MED27: variants seen among roughly 807,000 people sequenced by gnomAD.
MED27 encodes mediator of RNA polymerase II transcription subunit 27.
Under a neutral mutation model 38.2 loss-of-function variants are expected in MED27, and 30 were observed. That is an observed-to-expected ratio of 0.79 (90% CI 0.59 to 1.07). The LOEUF (loss-of-function observed/expected upper bound fraction) is 1.07. Among genes scored for constraint, MED27 ranks in the 50% least tolerant of loss-of-function variants. The probability of loss-of-function intolerance (pLI) is 0.00; values close to 1 mark genes in which losing one functional copy is unlikely to be tolerated. For synonymous variants in MED27, 122 were observed against 153.5 expected (o/e 0.79, Z 1.52); for missense variants, 289 against 397.5 (o/e 0.73, Z 2.32).
intron 3 of MED27, among the ~76,000 whole-genome samples, chr9:131,963,330 A>G (rs1028557090): frequency 6.6e-6 from 1 of 152,194 alleles, no homozygotes; most frequent in Admixed American, 6.5e-5. Flanking sequence ...CAAAATGGCC[A>G]GAAATTAAGT....
chr9:132,055,048 C>T (rs893053905), intron 2 of MED27, among the ~76,000 whole-genome samples: 6 of 152,152 alleles, frequency 3.9e-5, no homozygotes, highest in African/African-American at 1.2e-4. Flanking sequence ...CTGCTGTGTA[C>T]CCTGTGGATC....
chr9:131,868,551 C>T, intron 6 of MED27: 1 of 979,838 alleles, frequency 1.0e-6, no homozygotes. Flanking sequence ...GCTGGGATTA[C>T]AGGCGTGCGC....
chr9:132,023,308 C>T (rs1832755517), intron 2 of MED27, among the ~76,000 whole-genome samples: 1 of 152,184 alleles, frequency 6.6e-6, no homozygotes, highest in Non-Finnish European at 1.5e-5. Flanking sequence ...TTCTAAGCAT[C>T]AGTCACTCAT....
At chr9:132,030,712 C>A (rs149803767) in intron 2 of MED27, among the ~76,000 whole-genome samples, 3 of 152,276 alleles carry the variant, frequency 2.0e-5, no homozygotes, top group East Asian at 3.9e-4. Flanking sequence ...TGCTATAGAC[C>A]TATGTGTAAA....
chr9:131,860,577 G>C lies in MED27; in HGVS notation c.897C>G (p.Phe299Leu). The change falls in exon 8 of 8, where the codon TTC becomes TTG. Residue 299 changes from phenylalanine to leucine, a missense_variant. Coordinates refer to ENST00000292035, the MANE Select transcript of MED27 (RefSeq NM_004269.4). The surrounding 1 kb of genome is among the most constrained non-coding windows in gnomAD (Gnocchi z 5.8). ...QDGLPPTWRD[F>L]RTLEAFHDTC... ...TGTCATGGAAGGCTTCGAGGGTTCG[G>C]AAATCCCTCCATGTCGGGGGAAGGC... is the stretch of plus-strand genomic sequence containing the variant. 5.0e-6 allele frequency: 8 copies of C among 1,590,782 alleles called. No individual in the cohort carries two copies. Among genetic ancestry groups the C allele is most frequent in the Non-Finnish European group, 6.8e-6 (8 of 1,168,512 alleles).
At chr9:131,972,955 T>A (rs1049040615) in intron 3 of MED27, among the ~76,000 whole-genome samples, 20 of 152,168 alleles carry the variant, frequency 1.3e-4, no homozygotes, top group African/African-American at 4.1e-4. Flanking sequence ...AAACTGAGTA[T>A]GTACCTCTCT....
intron 4 of MED27, among the ~76,000 whole-genome samples, chr9:131,897,774 T>A (rs1448455425): frequency 6.6e-6 from 1 of 152,246 alleles, no homozygotes; most frequent in Non-Finnish European, 1.5e-5. Flanking sequence ...AAGAAGTTTT[T>A]AAAAATCAAT....
At chr9:131,910,733 A>G (rs1290456596) in intron 4 of MED27, among the ~76,000 whole-genome samples, 1 of 152,202 alleles carries the variant, frequency 6.6e-6, no homozygotes, top group Admixed American at 6.5e-5. Context: ...GTTCACCTCC[A>G]CAGATTACAC....
At position 132,079,860 on chromosome 9, in the gene MED27, G is replaced by C. The variant is rs778502278; in HGVS notation, c.-16C>G. 1.9e-6 allele frequency: 3 copies of C among 1,566,368 alleles called. No homozygotes were observed. Among genetic ancestry groups the C allele is most frequent in the East Asian group, 4.7e-5 (2 of 42,226 alleles). ...CGTCCGCCATGTTGCCGCCGCCACA[G>C]CAGCTCTCCAAAGCCGGCTTCGCAA... is the stretch of plus-strand genomic sequence containing the variant. On this transcript the variant is annotated 5_prime_UTR_variant, in exon 1 of 8. Transcript: ENST00000292035.
At chr9:132,066,659 A>G (rs1055704144) in intron 2 of MED27, among the ~76,000 whole-genome samples, 5 of 152,104 alleles carry the variant, frequency 3.3e-5, no homozygotes, top group Admixed American at 1.3e-4. Context: ...GCCTCCCAAA[A>G]CAAGTAAGTG....
At chr9:131,939,264 C>G in intron 4 of MED27, 117 bp downstream of exon 4, 1 of 544,172 alleles carries the variant, frequency 1.8e-6, no homozygotes, top group South Asian at 3.2e-5. Flanking sequence ...ATGTTATTCA[C>G]TATCAAATTG....
chr9:131,869,540 G>A (rs1354528468), intron 6 of MED27, among the ~76,000 whole-genome samples: 3 of 152,246 alleles, frequency 2.0e-5, no homozygotes, highest in Admixed American at 6.5e-5. Flanking sequence ...GGGCACTAAT[G>A]CTCCCAAGGA....
chr9:131,878,210 T>C (rs943392134), intron 6 of MED27, among the ~76,000 whole-genome samples: 26 of 151,050 alleles, frequency 1.7e-4, no homozygotes, highest in African/African-American at 5.9e-4. Flanking sequence ...GAAGTGGAGG[T>C]TGCAGTGAGC....
intron 2 of MED27, among the ~76,000 whole-genome samples, chr9:132,058,987 C>G (rs1163763010): frequency 6.6e-6 from 1 of 152,164 alleles, no homozygotes; most frequent in Non-Finnish European, 1.5e-5. Flanking sequence ...GAGTGTCACC[C>G]TTCCCCACCG....
chr9:131,865,390 G>C (rs1279995497), intron 6 of MED27, among the ~76,000 whole-genome samples: 5 of 152,162 alleles, frequency 3.3e-5, no homozygotes, highest in African/African-American at 1.2e-4. Flanking sequence ...GGGCTCGAAC[G>C]GTCCCCGAAC....
intron 4 of MED27, among the ~76,000 whole-genome samples, chr9:131,898,881 G>C (rs551755008): frequency 6.6e-6 from 1 of 152,176 alleles, no homozygotes; most frequent in African/African-American, 2.4e-5. Context: ...CACTGCGCCC[G>C]GCCTGGATTT....
Position 131,889,445 on chromosome 9 carries a change from C to A in MED27, c.681+4440G>T, listed in dbSNP as rs1051184613. 6.6e-6 allele frequency among the ~76,000 whole-genome samples: 1 copy of A among 152,080 alleles called. No homozygotes were observed. Among genetic ancestry groups the A allele is most frequent in the Non-Finnish European group, 1.5e-5 (1 of 68,008 alleles). On this transcript the variant is annotated intron_variant, in intron 5 of 7. Transcript: ENST00000292035. The surrounding 1 kb of genome is among the most constrained non-coding windows in gnomAD (Gnocchi z 4.2). ...AAAATCAGGACAATGGCCAGGTATT[C>A]ATCTTCAATCCTGCCTTTTAACATG... is the stretch of plus-strand genomic sequence containing the variant.
chr9:132,052,082 T>C (rs992951138), intron 2 of MED27, among the ~76,000 whole-genome samples: 1 of 152,122 alleles, frequency 6.6e-6, no homozygotes, highest in African/African-American at 2.4e-5. Context: ...GGCAGCGGCA[T>C]AGCTCTGACA....
chr9:131,980,585 T>C (rs776862603), intron 3 of MED27, among the ~76,000 whole-genome samples: 1 of 152,160 alleles, frequency 6.6e-6, no homozygotes, highest in Non-Finnish European at 1.5e-5. Flanking sequence ...TCAGGAAGCA[T>C]TTGACAGAAG....
Sources: gnomAD v4.1 joint callset for allele counts (sites outside exome capture counted in the v4.1 genomes callset) on GRCh38, gnomAD v4.1.1 for gene constraint, Gnocchi (gnomAD v3.1) non-coding constraint, MANE v1.5 for transcripts, NCBI Gene and HGNC (gene_info 2026-07-23, HGNC 2026-07-21) for gene names.